Variants in ITGA7 observed in about 807,000 individuals in gnomAD.
ITGA7 encodes the protein integrin subunit alpha 7, also known as integrin alpha-7.
A neutral mutation model predicts 131.6 loss-of-function variants in ITGA7; 84 were observed. The ratio of observed to expected loss-of-function variants is 0.64; its 90% CI spans 0.54 to 0.77. The LOEUF is 0.77. Ranked by LOEUF, ITGA7 falls within the 30% of genes least tolerant of loss-of-function variation. The pLI is 0.00. For synonymous variants in ITGA7, 548 were observed against 600.7 expected, an observed-to-expected ratio of 0.91 and a Z score of 1.28; for missense variants, 1,399 against 1,482.9, an observed-to-expected ratio of 0.94 and a Z score of 0.93.
At chr12:55,685,810 C>T (rs1331969788) in intron 24 of ITGA7, among the ~76,000 whole-genome samples, 1 of 152,228 alleles carries the variant, frequency 6.6e-6, no homozygotes, top group Non-Finnish European at 1.5e-5. Flanking sequence ...AAATGAGGAC[C>T]ATGCTGGCCC....
Position 55,685,195 on chromosome 12 carries a change from C to A in ITGA7, c.3277G>T (p.Glu1093Ter). ...IPREDRQQFK[E>*]EKTGTILRNN... ...CTCAGGATGGTGCCCGTCTTCTCCT[C>A]CTTGAACTGCTGTCGGTCTTCCCGA... Residue 1093 changes from glutamate (E) to a stop codon, truncating the protein, a stop_gained, in exon 25 of 25, where the codon GAG becomes TAG. Transcript: ENST00000257879. LOFTEE classifies it high-confidence loss of function. 6.2e-7 allele frequency: 1 copy of A among 1,614,202 alleles called. No individual in the cohort carries two copies. Among genetic ancestry groups the A allele is most frequent in the Non-Finnish European group, 8.5e-7 (1 of 1,180,020 alleles).
intron 1 of ITGA7, among the ~76,000 whole-genome samples, chr12:55,705,564 C>T (rs1361714403): frequency 6.6e-6 from 1 of 152,140 alleles, no homozygotes; most frequent in Non-Finnish European, 1.5e-5. Flanking sequence ...GGATGCTTGG[C>T]CTGGAAGGCT....
rs1399861221 is a variant in ITGA7 at position 55,696,232 on chromosome 12, T to A, written c.1887+51A>T. The A allele has an allele frequency of 4.6e-6, 7 of 1,531,360 alleles. No homozygotes were observed. In the East Asian group the frequency reaches 1.5e-4, roughly 32 times the overall value. 94.9% of individuals were successfully genotyped at this position (1,531,360 alleles called of 1,614,324 possible). A position where few individuals can be genotyped will look rare whatever the true frequency, so the allele number is the denominator to read the frequency against. The stretch of plus-strand genomic sequence containing the variant: ...TGGTGTCACTGGGGAGGGACCATGA[T>A]CTTTGCCCTCCCAGCTCCTCCCCCT... On this transcript the variant is annotated intron_variant, in intron 13 of 24. Coordinates refer to ENST00000257879, the MANE Select transcript of ITGA7 (RefSeq NM_002206.3).
intron 4 of ITGA7, 44 bp downstream of exon 4, chr12:55,700,855 A>T (rs776496920): frequency 1.9e-6 from 3 of 1,613,432 alleles, no homozygotes; most frequent in Non-Finnish European, 2.5e-6. Context: ...CTGAGGTAAG[A>T]GGAGGTTTTG....
chr12:55,692,421 A>C (rs1237230278), intron 21 of ITGA7, among the ~76,000 whole-genome samples: 2 of 152,240 alleles, frequency 1.3e-5, no homozygotes, highest in African/African-American at 4.8e-5. Context: ...TCTCAACAAC[A>C]ACAAAAAAGA....
At position 55,693,277 on chromosome 12, in the gene ITGA7, G is replaced by A. The variant is rs760184521; in HGVS notation, c.2576C>T (p.Ala859Val). The change falls in exon 20 of 25, where the codon GCC (alanine) becomes GTC (valine). Residue 859 changes from alanine (A) to valine (V), a missense_variant. Transcript: ENST00000257879. Reference sequence around the variant, plus strand: ...ATGAGGCCACATGATGTTGAGGAAGGCAGAGCCCAGGGTTCTGAGCGACTG... The same window carrying A: ...ATGAGGCCACATGATGTTGAGGAAGACAGAGCCCAGGGTTCTGAGCGACTG... ...QGQSLRTLGSAFLNIMWPHEI... is the reference protein window; with the variant it reads ...QGQSLRTLGSVFLNIMWPHEI... The A allele has an allele frequency of 6.2e-7, 1 of 1,614,114 alleles. No homozygotes were observed. Among genetic ancestry groups the A allele is most frequent in the Non-Finnish European group, 8.5e-7 (1 of 1,180,028 alleles).
intron 14 of ITGA7, 70 bp from the exon 15 acceptor site, chr12:55,695,040 T>A: frequency 6.8e-7 from 1 of 1,470,952 alleles, no homozygotes; most frequent in Non-Finnish European, 9.3e-7. Context: ...CCCAGTCTGC[T>A]CCCCCAGTAC....
rs545980489 is a variant in ITGA7 at position 55,692,820 on chromosome 12, G to C, written c.2844+24C>G. ...CACGCAGCACCCCGGAGCTCTGGCT[G>C]CACCGAGTCTGGCCTGCCCTCACCA... On this transcript the variant is annotated intron_variant, in intron 21 of 24. Coordinates refer to ENST00000257879, the MANE Select transcript of ITGA7 (RefSeq NM_002206.3). 9.4e-6 allele frequency: 15 copies of C among 1,591,928 alleles called. No homozygotes were observed. The Admixed American group carries it at 1.1e-4, about 11-fold the overall frequency.
In ITGA7 at chr12:55,694,984, C is replaced by A. The variant is rs1182948458; in HGVS notation, c.2004-14G>T. 1.2e-6 allele frequency: 2 copies of A among 1,611,716 alleles called. No individual in the cohort carries two copies. Among genetic ancestry groups the A allele is most frequent in the Non-Finnish European group, 1.7e-6 (2 of 1,179,628 alleles). ...CCATCCACATCCCTGGAGAGTCAGA[C>A]CCCACTCCTGCTAAGTTCTGAACAC... On this transcript the variant is annotated splice_polypyrimidine_tract_variant and intron_variant, in intron 14 of 24. Coordinates refer to ENST00000257879, the MANE Select transcript of ITGA7 (RefSeq NM_002206.3). The surrounding 1 kb of genome is among the most constrained non-coding windows in gnomAD (Gnocchi z 5.3).
chr12:55,701,455 G>A, intron 3 of ITGA7: 1 of 1,547,554 alleles, frequency 6.5e-7, no homozygotes, highest in Non-Finnish European at 8.7e-7. Flanking sequence ...CCACCACATA[G>A]GATGTGTGTC....
Position 55,700,531 on chromosome 12 carries a change from T to C in ITGA7, c.670+368A>G. Reference sequence around the variant, plus strand: ...TCCCCACCCTGTCCCCAACCCAGGCTTCCTGGGGTCCCCCAGATGTGGCAT... The same window carrying C: ...TCCCCACCCTGTCCCCAACCCAGGCCTCCTGGGGTCCCCCAGATGTGGCAT... On this transcript the variant is annotated intron_variant, in intron 4 of 24. Transcript: ENST00000257879. 2.9e-6 allele frequency: 3 copies of C among 1,030,164 alleles called. No individual in the cohort carries two copies. The South Asian group carries it at 4.7e-5, about 16-fold the overall frequency. The allele number at this position is 1,030,164 out of a possible 1,614,324, so 63.8% of individuals were successfully genotyped here. A position where few individuals can be genotyped will look rare whatever the true frequency, so the allele number is the denominator to read the frequency against.
At chr12:55,699,799 G>A in intron 5 of ITGA7, 71 bp downstream of exon 5, 3 of 1,543,568 alleles carry the variant, frequency 1.9e-6, no homozygotes, top group Non-Finnish European at 2.6e-6. Context: ...GGCACCAAAG[G>A]TCGAGTTCCC....
chr12:55,703,914 C>T (rs1874628531), intron 1 of ITGA7, among the ~76,000 whole-genome samples: 2 of 152,330 alleles, frequency 1.3e-5, no homozygotes, highest in South Asian at 2.1e-4. Flanking sequence ...CCTTCCACCC[C>T]CACCCAGTCT....
At position 55,698,845 on chromosome 12, in the gene ITGA7, G is replaced by A. The variant is rs761825648; in HGVS notation, c.863C>T (p.Ala288Val). 1.9e-6 allele frequency: 3 copies of A among 1,613,412 alleles called. No individual in the cohort carries two copies. Among genetic ancestry groups the A allele is most frequent in the Non-Finnish European group, 2.5e-6 (3 of 1,179,938 alleles). The change falls in exon 6 of 25, where the codon GCC becomes GTC. Residue 288 changes from alanine to valine, a missense_variant. By Grantham distance (64) the Ala-to-Val change is moderately conservative. Transcript: ENST00000257879. ...ELSFVAGAPRANHKGAVVILR... is the reference protein window; with the variant it reads ...ELSFVAGAPRVNHKGAVVILR... ...GATGACCACAGCACCCTTGTGGTTG[G>A]CGCGGGGGGCTCCAGCCACAAAGCT...
chr12:55,694,933 C>T lies in ITGA7; in HGVS notation c.2041G>A (p.Gly681Arg). 6.2e-7 allele frequency: 1 copy of T among 1,613,886 alleles called. No homozygotes were observed. Among genetic ancestry groups the T allele is most frequent in the Non-Finnish European group, 8.5e-7 (1 of 1,179,992 alleles). The change falls in exon 15 of 25, where the codon GGG becomes AGG. Residue 681 changes from glycine to arginine, a missense_variant. By Grantham distance (125) the Gly-to-Arg change is moderately radical. Coordinates refer to ENST00000257879, the MANE Select transcript of ITGA7 (RefSeq NM_002206.3). This position sits in a 1 kb window ranked among gnomAD's most constrained non-coding sequence, Gnocchi z 5.3. ...AGCTCCAGGCCAATGACTGGCTGCC[C>T]ACTCAGTGCAAACAGGGCTGTTGTT... The part of the protein sequence containing the change: ...DGTTALFALS[G>R]QPVIGLELMV...
At chr12:55,713,630 G>A (rs1876293314), upstream of ITGA7, among the ~76,000 whole-genome samples, 1 of 152,236 alleles carries the variant, frequency 6.6e-6, no homozygotes, top group South Asian at 2.1e-4. Flanking sequence ...GCTTGACTAT[G>A]ATGAGTACTA....
chr12:55,705,521 T>C (rs1037177821), intron 1 of ITGA7, among the ~76,000 whole-genome samples: 4 of 152,370 alleles, frequency 2.6e-5, no homozygotes, highest in African/African-American at 7.2e-5. Flanking sequence ...AGCCCCTCTT[T>C]GGCCCCTCTC....
rs1159480040 is a variant in ITGA7 at position 55,696,912 on chromosome 12, A to G, written c.1724T>C (p.Met575Thr). 9.9e-6 allele frequency: 16 copies of G among 1,614,198 alleles called. No homozygotes were observed. Among genetic ancestry groups the G allele is most frequent in the Non-Finnish European group, 1.3e-5 (15 of 1,180,034 alleles). ...HQHDRVCGDA[M>T]FQLQENVKDK... ...GTCAGTGTCCACCTGGAGCTGGAAC[A>G]TGGCGTCTCCACAGACTCGGTCATG... Residue 575 changes from methionine (M) to threonine (T), a missense_variant, in exon 12 of 25, where the codon ATG becomes ACG. Met to Thr is a moderately conservative substitution (Grantham distance 81). Transcript: ENST00000257879.
In ITGA7 at chr12:55,685,142, C is replaced by A; in HGVS notation, c.3330G>T (p.Glu1110Asp). The A allele has an allele frequency of 6.2e-7, 1 of 1,613,716 alleles. No homozygotes were observed. The change falls in exon 25 of 25, where the codon GAG becomes GAT. Residue 1110 changes from glutamate to aspartate, a missense_variant. Coordinates refer to ENST00000257879, the MANE Select transcript of ITGA7 (RefSeq NM_002206.3). Reference protein sequence around the residue: ...LRNNWGSPRREGPDAHPILAA... With the variant: ...LRNNWGSPRRDGPDAHPILAA... ...CCAGGATGGGGTGTGCATCCGGGCC[C>A]TCCCGCCGGGGGCTGCCCCAGTTGT...
Sources: allele counts gnomAD v4.1 joint callset (sites outside exome capture counted in the v4.1 genomes callset), GRCh38; gene constraint gnomAD v4.1.1; non-coding constraint Gnocchi (gnomAD v3.1); transcripts MANE v1.5; gene names NCBI Gene and HGNC (gene_info 2026-07-23, HGNC 2026-07-21).